The following CSF3R variants were observed in gnomAD, a reference collection of about 807,000 sequenced individuals.
CSF3R encodes the protein granulocyte colony-stimulating factor receptor.
In CSF3R, 52 loss-of-function variants were observed where a neutral mutation model predicts 84.4. That is an observed-to-expected ratio of 0.62 (90% CI 0.49 to 0.78). The LOEUF is 0.78. Ranked by LOEUF, CSF3R falls within the 30% of genes least tolerant of loss-of-function variation. CSF3R has a pLI of 0.00. For missense variants in CSF3R, 890 were observed against 1,055.7 expected (o/e 0.84, Z 2.17); for synonymous variants, 384 against 429.1 (o/e 0.89, Z 1.30).
Position 36,466,043 on chromosome 1 carries a change from T to A in CSF3R, c.*314A>T. On this transcript the variant is annotated 3_prime_UTR_variant, in exon 17 of 17. Coordinates refer to ENST00000373106, the MANE Select transcript of CSF3R (RefSeq NM_000760.4). This position sits in a 1 kb window ranked among gnomAD's most constrained non-coding sequence, Gnocchi z 4.6. ...GAAAAATAAATAACAGAGACTCAGG[T>A]ACACCCAAGAGTGTCTATAAACAAC... 6.2e-7 allele frequency: 1 copy of A among 1,612,814 alleles called. No individual in the cohort carries two copies. The highest frequency in any genetic ancestry group is 1.1e-5 in the South Asian group (1 of 90,716).
chr1:36,472,830 T>G lies in CSF3R; in HGVS notation c.674-144A>C, dbSNP rs181280930. On this transcript the variant is annotated intron_variant, in intron 6 of 16. Transcript: ENST00000373106. This position sits in a 1 kb window ranked among gnomAD's most constrained non-coding sequence, Gnocchi z 5.0. ...TCTGTGGTTCGATCTCTATGTGTCT[T>G]TGTTTCTCTCTAGGTCTCTGTTTCC... 2.4e-4 allele frequency: 240 copies of G among 1,005,516 alleles called. No individual in the cohort carries two copies. The highest frequency in any genetic ancestry group is 7.7e-4 in the Admixed American group (26 of 33,654). 62.3% of individuals were successfully genotyped at this position (1,005,516 alleles called of 1,614,324 possible). A position where few individuals can be genotyped will look rare whatever the true frequency, so the allele number is the denominator to read the frequency against.
chr1:36,475,161 T>G (rs1031507862), intron 4 of CSF3R, among the ~76,000 whole-genome samples: 11 of 152,124 alleles, frequency 7.2e-5, no homozygotes, highest in African/African-American at 2.4e-4. Flanking sequence ...CCCGCCACTA[T>G]GCCTGGCTAA....
At chr1:36,479,213 G>A in intron 3 of CSF3R, 1 of 621,688 alleles carries the variant, frequency 1.6e-6, no homozygotes, top group Admixed American at 2.3e-5. Context: ...GCCTTTTCCA[G>A]GATGACCAGC....
chr1:36,481,594 T>C (rs1435548457), intron 1 of CSF3R, 57 bp from the exon 2 acceptor site: 1 of 152,174 alleles, frequency 6.6e-6, no homozygotes, highest in African/African-American at 2.4e-5. Context: ...GAGGATGAAA[T>C]GAGATTATTT....
chr1:36,470,333 C>T (rs545542422), intron 10 of CSF3R, among the ~76,000 whole-genome samples: 20 of 152,156 alleles, frequency 1.3e-4, no homozygotes, highest in South Asian at 4.2e-4. Flanking sequence ...TACAGGCAAC[C>T]GCCACCATGC....
chr1:36,472,994 G>C lies in CSF3R; in HGVS notation c.674-308C>G, dbSNP rs1196700973. On this transcript the variant is annotated intron_variant, in intron 6 of 16. Transcript: ENST00000373106. This position sits in a 1 kb window ranked among gnomAD's most constrained non-coding sequence, Gnocchi z 5.0. ...CTCTTAGTGAGGCCTTTCTTGACCA[G>C]CATATTAAAATAGCCAGTGCTCCCC... 2.3e-6 allele frequency: 1 copy of C among 436,108 alleles called. No individual in the cohort carries two copies. Among genetic ancestry groups the C allele is most frequent in the East Asian group, 4.0e-5 (1 of 25,194 alleles). 27.0% of individuals were successfully genotyped at this position (436,108 alleles called of 1,614,324 possible). A position where few individuals can be genotyped will look rare whatever the true frequency, so the allele number is the denominator to read the frequency against.
At chr1:36,475,308 G>T (rs951245084) in intron 4 of CSF3R, 69 bp downstream of exon 4, 2 of 1,588,602 alleles carry the variant, frequency 1.3e-6, no homozygotes, top group East Asian at 2.2e-5. Context: ...TGCCCGGCTG[G>T]TAATATTCTT....
Position 36,469,721 on chromosome 1 carries a change from TG to T in CSF3R, c.1404del (p.Ser469AlafsTer22), listed in dbSNP as rs747437399. 2 of 1,614,040 alleles carry T rather than the reference TG, an allele frequency of 1.2e-6. No individual in the cohort carries two copies. Among genetic ancestry groups the T allele is most frequent in the Non-Finnish European group, 8.5e-7 (1 of 1,180,008 alleles). On this transcript the variant is annotated frameshift_variant, in exon 11 of 17. Transcript: ENST00000373106. LOFTEE classifies it high-confidence loss of function. Reference protein sequence around the residue: ...GYVIEWGLGPPSASNSNKTWR... With the variant: ...GYVIEWGLGPXSASNSNKTWR... ...CAGGTCTTGTTGCTATTGCTCGCGC[TG>T]GGGGGGCCCAGGCCCCACTCAATCA...
Position 36,471,691 on chromosome 1 carries a change from C to A in CSF3R, c.1072-45G>T, listed in dbSNP as rs979274879. 1.3e-5 allele frequency: 21 copies of A among 1,601,130 alleles called. No individual in the cohort carries two copies. In the African/African-American group the frequency reaches 2.5e-4, roughly 19 times the overall value. ...AAAGAGAAGGGGATGTGCAGCTCAT[C>A]TTGAGTCAAGGAGAGCCTCTAGGTG... On this transcript the variant is annotated intron_variant, in intron 9 of 16. Coordinates refer to ENST00000373106, the MANE Select transcript of CSF3R (RefSeq NM_000760.4).
chr1:36,470,131 T>C (rs553695707), intron 10 of CSF3R, among the ~76,000 whole-genome samples: 8 of 152,350 alleles, frequency 5.3e-5, no homozygotes, highest in African/African-American at 1.9e-4. Flanking sequence ...TTGTTCTTGG[T>C]ATGTGTCAGG....
rs372876501 is a variant in CSF3R at position 36,467,711 on chromosome 1, C to G, written c.1865-60G>C. On this transcript the variant is annotated intron_variant, in intron 14 of 16. Transcript: ENST00000373106. This position sits in a 1 kb window ranked among gnomAD's most constrained non-coding sequence, Gnocchi z 4.1. ...GCATGTTGGGAAGGCTGGGTCTCCTCCCTCCGACCAGGGGATTCAAAGTCA... is the reference window on the plus strand; with the variant it reads ...GCATGTTGGGAAGGCTGGGTCTCCTGCCTCCGACCAGGGGATTCAAAGTCA... 1 of 1,611,602 alleles carries G rather than the reference C, an allele frequency of 6.2e-7. No individual in the cohort carries two copies. The highest frequency in any genetic ancestry group is 1.3e-5 in the African/African-American group (1 of 74,898).
chr1:36,474,200 C>T (rs982976930), intron 4 of CSF3R, among the ~76,000 whole-genome samples: 4 of 152,150 alleles, frequency 2.6e-5, no homozygotes. Context: ...CATTCATTAG[C>T]CCTGTGATCT....
chr1:36,479,660 A>G, intron 2 of CSF3R, 144 bp from the exon 3 acceptor site: 1 of 710,178 alleles, frequency 1.4e-6, no homozygotes, highest in Non-Finnish European at 2.6e-6. Context: ...ACAGCAGCCT[A>G]TACTGCATGG....
intron 4 of CSF3R, among the ~76,000 whole-genome samples, chr1:36,474,554 A>G (rs1327646527): frequency 6.6e-6 from 1 of 151,964 alleles, no homozygotes; most frequent in Non-Finnish European, 1.5e-5. Flanking sequence ...ACCTCAAATG[A>G]TCCACCTACC....
At position 36,466,671 on chromosome 1, in the gene CSF3R, G is replaced by T. The variant is rs78861150; in HGVS notation, c.2197C>A (p.Pro733Thr). 4.3e-4 allele frequency: 695 copies of T among 1,614,168 alleles called. 7 individuals are homozygous for T. In the East Asian group the frequency reaches 0.015, roughly 35 times the overall value. Residue 733 changes from proline to threonine, a missense_variant, in exon 17 of 17, where the codon CCA (proline) becomes ACA (threonine). Physicochemically the swap from Pro to Thr is conservative, Grantham distance 38 (BLOSUM62 -1). Coordinates refer to ENST00000373106, the MANE Select transcript of CSF3R (RefSeq NM_000760.4). The surrounding 1 kb of genome is among the most constrained non-coding windows in gnomAD (Gnocchi z 4.6). ...TGGGGCTGGGTGGAAACTGCTCTTGGGTCCCCCTGGAGCACATAGGTCTGG... is the reference window on the plus strand; with the variant it reads ...TGGGGCTGGGTGGAAACTGCTCTTGTGTCCCCCTGGAGCACATAGGTCTGG... ...LVQTYVLQGD[P>T]RAVSTQPQSQ...
Position 36,475,384 on chromosome 1 carries a change from G to A in CSF3R, c.354C>T (p.Arg118=), listed in dbSNP as rs368386515. 38 of 1,613,716 alleles carry A rather than the reference G, an allele frequency of 2.4e-5. No homozygotes were observed. The highest frequency in any genetic ancestry group is 1.7e-4 in the Middle Eastern group (1 of 5,782). Residue 118 remains arginine (R), a synonymous_variant, in exon 4 of 17, where the codon CGC becomes CGT. Coordinates refer to ENST00000373106, the MANE Select transcript of CSF3R (RefSeq NM_000760.4). The part of the protein sequence containing the change: ...SLQILDQVEL[R]AGYPPAIPHN... ...ATGGCTGGAAGGACTTACAGCCTGC[G>A]CGCAGCTCAACCTGGTCCAGGATCT...
rs780048776 is a variant in CSF3R, at chr1:36,469,632, A to G, written c.1474+20T>C. 6.2e-7 allele frequency: 1 copy of G among 1,613,654 alleles called. No homozygotes were observed. The highest frequency in any genetic ancestry group is 1.1e-5 in the South Asian group (1 of 91,084). ...CTCCCTTTGTCCCTGGCCCTGCCCA[A>G]CTTTCCAGGCCAGCCTCACCCTTCA... is the stretch of plus-strand genomic sequence containing the variant. On this transcript the variant is annotated intron_variant, in intron 11 of 16. Transcript: ENST00000373106.
intron 2 of CSF3R, among the ~76,000 whole-genome samples, chr1:36,480,555 C>A (rs770190216): frequency 6.6e-6 from 1 of 152,154 alleles, no homozygotes; most frequent in African/African-American, 2.4e-5. Flanking sequence ...GGTCTTGGAG[C>A]CAACACCTGA....
In CSF3R at chr1:36,475,346, G is replaced by C. The variant is rs747238176; in HGVS notation, c.361+31C>G. On this transcript the variant is annotated intron_variant, in intron 4 of 16. Transcript: ENST00000373106. Reference sequence around the variant, plus strand: ...TAGTATTGGCAGGAGGGTGTTGGAGGCAGAGTAGTTGGATGGCTGGAAGGA... The same window carrying C: ...TAGTATTGGCAGGAGGGTGTTGGAGCCAGAGTAGTTGGATGGCTGGAAGGA... 3.7e-6 allele frequency: 6 copies of C among 1,612,096 alleles called. No individual in the cohort carries two copies. The African/African-American group carries it at 8.0e-5, about 22-fold the overall frequency.
Sources: gnomAD v4.1 joint callset for allele counts (sites outside exome capture counted in the v4.1 genomes callset) on GRCh38, gnomAD v4.1.1 for gene constraint, Gnocchi (gnomAD v3.1) non-coding constraint, MANE v1.5 for transcripts, NCBI Gene and HGNC (gene_info 2026-07-23, HGNC 2026-07-21) for gene names.